Variants in ERGIC1 observed in about 807,000 individuals in gnomAD.
The protein encoded by ERGIC1 is endoplasmic reticulum-golgi intermediate compartment 1, also known as endoplasmic reticulum-Golgi intermediate compartment protein 1.
Under a neutral mutation model 38.3 loss-of-function variants are expected in ERGIC1, and 19 were observed. That is an observed-to-expected ratio of 0.50 (90% confidence interval 0.35 to 0.73). The LOEUF (loss-of-function observed/expected upper bound fraction) is 0.73, where lower values mean the gene tolerates loss of function less well. ERGIC1 is among the 30% of genes least tolerant of loss of function. The pLI, the probability that ERGIC1 is intolerant of heterozygous loss-of-function variation, is 0.01. For synonymous variants in ERGIC1, 124 were observed against 157.6 expected (o/e 0.79, Z 1.60); for missense variants, 294 against 389.2 (o/e 0.76, Z 2.06).
chr5:172,893,905 A>ATATATATGTGTGTGTGTGTGTG (rs1173039695), intron 2 of ERGIC1, among the ~76,000 whole-genome samples: 13 of 15,522 alleles, frequency 8.4e-4, no homozygotes, highest in South Asian at 5.6e-3. Flanking sequence ...ATATATATAT[A>ATATATATGTGTGTGTGTGTGTG]TGTGTGTGTG....
chr5:172,889,098 A>G (rs1264447333), intron 2 of ERGIC1, among the ~76,000 whole-genome samples: 1 of 152,198 alleles, frequency 6.6e-6, no homozygotes, highest in African/African-American at 2.4e-5. Context: ...CAGGCTGACC[A>G]ACATGCTGAA....
intron 3 of ERGIC1, among the ~76,000 whole-genome samples, chr5:172,908,588 A>C (rs1020910003): frequency 6.6e-6 from 1 of 151,836 alleles, no homozygotes; most frequent in Admixed American, 6.6e-5. Context: ...AAAATAAAAA[A>C]AGAGAGAGGT....
Position 172,903,716 on chromosome 5 carries a change from CAGCAACCCCAT to C in ERGIC1, c.156-5941_156-5931del, listed in dbSNP as rs574180705. On this transcript the variant is annotated intron_variant, in intron 3 of 9. Transcript: ENST00000393784. ...TGCTCTTGTTCTCATTTGATCTTCT[CAGCAACCCCAT>C]AGCAACCCCTATGATTGTCCCCATT... is the stretch of plus-strand genomic sequence containing the variant. 3.0e-3 allele frequency among the ~76,000 whole-genome samples: 453 copies of C among 152,294 alleles called. 3 individuals carry two copies. Among genetic ancestry groups the C allele is most frequent in the African/African-American group, 0.011 (438 of 41,550 alleles).
In ERGIC1 at chr5:172,837,548, C is replaced by T. The variant is rs1483079533; in HGVS notation, c.20+3115C>T. Among the ~76,000 whole-genome samples, 4 of 152,154 alleles carry T rather than the reference C, an allele frequency of 2.6e-5. No homozygotes were observed. The highest frequency in any genetic ancestry group is 1.9e-4 in the East Asian group (1 of 5,190). On this transcript the variant is annotated intron_variant, in intron 1 of 9. Transcript: ENST00000393784. This position sits in a 1 kb window ranked among gnomAD's most constrained non-coding sequence, Gnocchi z 4.3. ...CCTAGAACTGTGCTTGAGCCAAACT[C>T]GATCCTTGGAGATGCCTCTTGAAAT...
intron 1 of ERGIC1, among the ~76,000 whole-genome samples, chr5:172,843,586 T>C (rs1467204766): frequency 6.6e-6 from 1 of 152,246 alleles, no homozygotes; most frequent in Non-Finnish European, 1.5e-5. Flanking sequence ...AGTATGTTCA[T>C]GGTGTGCAGA....
At chr5:172,927,995 A>G (rs1409954177) in intron 7 of ERGIC1, among the ~76,000 whole-genome samples, 1 of 152,106 alleles carries the variant, frequency 6.6e-6, no homozygotes, top group Non-Finnish European at 1.5e-5. Context: ...CCAGCAACGG[A>G]TAAGTATACG....
At chr5:172,843,998 C>T (rs1410894569) in intron 1 of ERGIC1, among the ~76,000 whole-genome samples, 2 of 152,228 alleles carry the variant, frequency 1.3e-5, no homozygotes, top group African/African-American at 2.4e-5. Context: ...TAGTCCTGTG[C>T]ACCTCACCGA....
intron 2 of ERGIC1, among the ~76,000 whole-genome samples, chr5:172,895,850 G>A (rs1762709807): frequency 6.6e-6 from 1 of 152,128 alleles, no homozygotes; most frequent in African/African-American, 2.4e-5. Flanking sequence ...TGGGTGGGTG[G>A]TTAGACATTG....
chr5:172,902,043 T>G (rs538669776), intron 3 of ERGIC1, among the ~76,000 whole-genome samples: 1 of 152,130 alleles, frequency 6.6e-6, no homozygotes, highest in Non-Finnish European at 1.5e-5. Flanking sequence ...GTAACTGGAG[T>G]CAAACACGGG....
intron 1 of ERGIC1, among the ~76,000 whole-genome samples, chr5:172,881,709 G>T (rs899756101): frequency 1.3e-5 from 2 of 152,168 alleles, no homozygotes; most frequent in Non-Finnish European, 1.5e-5. Context: ...GATCTCTGCC[G>T]TGGCACTTCA....
At chr5:172,893,901 A>ATGTG (rs1334354595) in intron 2 of ERGIC1, among the ~76,000 whole-genome samples, 93 of 13,520 alleles carry the variant, frequency 6.9e-3, no homozygotes, top group African/African-American at 9.6e-3. Context: ...ATATATATAT[A>ATGTG]TATATGTGTG....
In ERGIC1 at chr5:172,859,060, C is replaced by A. The variant is rs528065615; in HGVS notation, c.20+24627C>A. ...TCTCCCAGGTCTGGGTCGTCATCGG[C>A]GCCCTTACCGGGGAGGGCTCTGCTC... On this transcript the variant is annotated intron_variant, in intron 1 of 9. Coordinates refer to ENST00000393784, the MANE Select transcript of ERGIC1 (RefSeq NM_001031711.3). Among the ~76,000 whole-genome samples, 4 of 152,276 alleles carry A rather than the reference C, an allele frequency of 2.6e-5. No individual in the cohort carries two copies. The South Asian group carries it at 8.3e-4, about 32-fold the overall frequency.
At chr5:172,905,983 T>C (rs996488788) in intron 3 of ERGIC1, 9 of 447,872 alleles carry the variant, frequency 2.0e-5, no homozygotes, top group African/African-American at 1.8e-4. Context: ...AGGTGTGAGC[T>C]GAGTTAGAAG....
At chr5:172,850,978 T>G (rs912077476) in intron 1 of ERGIC1, among the ~76,000 whole-genome samples, 2 of 151,914 alleles carry the variant, frequency 1.3e-5, no homozygotes, top group African/African-American at 4.8e-5. Context: ...GGTGAGCGGA[T>G]CACTTGAGGC....
chr5:172,842,603 C>A (rs1176999105), intron 1 of ERGIC1, among the ~76,000 whole-genome samples: 4 of 152,150 alleles, frequency 2.6e-5, no homozygotes, highest in African/African-American at 9.7e-5. Flanking sequence ...TCCTGTTTTC[C>A]ATAGTGGCTG....
intron 9 of ERGIC1, among the ~76,000 whole-genome samples, chr5:172,938,923 C>T (rs757662709): frequency 1.3e-5 from 2 of 151,948 alleles, no homozygotes; most frequent in Non-Finnish European, 2.9e-5. Context: ...ATTAGCCGGG[C>T]ATGGTGGCAC....
intron 3 of ERGIC1, among the ~76,000 whole-genome samples, chr5:172,903,255 G>A (rs1205807247): frequency 6.6e-6 from 1 of 152,178 alleles, no homozygotes; most frequent in Non-Finnish European, 1.5e-5. Context: ...GACGGGAGTG[G>A]GAGAGGCTTG....
chr5:172,849,681 T>C (rs1252889194), intron 1 of ERGIC1, among the ~76,000 whole-genome samples: 1 of 152,202 alleles, frequency 6.6e-6, no homozygotes, highest in Non-Finnish European at 1.5e-5. Context: ...GCAGGAGTCA[T>C]ATGTGTCTTG....
At position 172,949,741 on chromosome 5, in the gene ERGIC1, C is replaced by T. The variant is rs950144244; in HGVS notation, c.766-968C>T. Among the ~76,000 whole-genome samples, 3 of 151,912 alleles carry T rather than the reference C, an allele frequency of 2.0e-5. No homozygotes were observed. In the East Asian group the frequency reaches 5.8e-4, roughly 29 times the overall value. Reference sequence around the variant, plus strand: ...AGGACAGCCCCTGTGGCAAAAAATTCTCTGGCCCCAAATGTCAATGGTGCC... The same window carrying T: ...AGGACAGCCCCTGTGGCAAAAAATTTTCTGGCCCCAAATGTCAATGGTGCC... On this transcript the variant is annotated intron_variant, in intron 9 of 9. Transcript: ENST00000393784.
Sources: gnomAD v4.1 joint callset for allele counts (sites outside exome capture counted in the v4.1 genomes callset) on GRCh38, gnomAD v4.1.1 for gene constraint, Gnocchi (gnomAD v3.1) non-coding constraint, MANE v1.5 for transcripts, NCBI Gene and HGNC (gene_info 2026-07-23, HGNC 2026-07-21) for gene names.